Variants in NECAB1 observed in about 807,000 individuals in gnomAD.
The protein encoded by NECAB1 is N-terminal EF-hand calcium-binding protein 1.
In NECAB1, 29 loss-of-function variants were observed where a neutral mutation model predicts 57.5. The observed-to-expected ratio is 0.50, with a 90% CI of 0.38 to 0.69. The LOEUF is 0.69. Among genes scored for constraint, NECAB1 ranks in the 30% least tolerant of loss-of-function variants. The pLI is 0.00. For synonymous variants in NECAB1, 142 were observed against 147.7 expected (o/e 0.96, Z 0.28); for missense variants, 372 against 413.8 (o/e 0.90, Z 0.88).
chr8:90,825,950 G>A (rs747643003), intron 3 of NECAB1, among the ~76,000 whole-genome samples: 11 of 151,936 alleles, frequency 7.2e-5, no homozygotes, highest in South Asian at 4.1e-4. Context: ...CCAATCAGCT[G>A]ATCGTATCAA....
At chr8:90,829,875 T>A (rs79765755) in intron 3 of NECAB1, among the ~76,000 whole-genome samples, 1,655 of 152,156 alleles carry the variant, frequency 0.011, 46 homozygotes, top group East Asian at 0.089. Context: ...TTATGACAAG[T>A]CTTTCTAATA....
At chr8:90,913,168 A>G (rs1386113) in intron 5 of NECAB1, among the ~76,000 whole-genome samples, 80,427 of 152,042 alleles carry the variant, frequency 0.53, 24,843 homozygotes, top group African/African-American at 0.84. Flanking sequence ...ATGCACAGAC[A>G]GTTTTCTAAG....
chr8:90,951,235 GT>G (rs1368907372), intron 12 of NECAB1, 31 bp downstream of exon 12: 2 of 1,326,878 alleles, frequency 1.5e-6, no homozygotes, highest in Non-Finnish European at 2.1e-6. Context: ...ATGCTTCTGT[GT>G]CCTTTTGTAT....
At chr8:90,827,255 A>G (rs1812239987) in intron 3 of NECAB1, among the ~76,000 whole-genome samples, 1 of 151,912 alleles carries the variant, frequency 6.6e-6, no homozygotes, top group African/African-American at 2.4e-5. Flanking sequence ...ATCCCTGACC[A>G]CTCTAATTTA....
At chr8:90,927,125 T>C (rs910183272) in intron 7 of NECAB1, among the ~76,000 whole-genome samples, 1 of 152,056 alleles carries the variant, frequency 6.6e-6, no homozygotes, top group African/African-American at 2.4e-5. Flanking sequence ...AGAAATATTG[T>C]ATTAGAATTT....
chr8:90,912,244 A>G (rs1471961019), intron 5 of NECAB1, among the ~76,000 whole-genome samples: 7 of 152,194 alleles, frequency 4.6e-5, no homozygotes, highest in Non-Finnish European at 8.8e-5. Flanking sequence ...TCCTTTAGGC[A>G]AAGACATCCA....
At chr8:90,954,772 A>G (rs1479037293) in intron 12 of NECAB1, among the ~76,000 whole-genome samples, 2 of 150,060 alleles carry the variant, frequency 1.3e-5, no homozygotes, top group East Asian at 1.9e-4. Flanking sequence ...AATATCATAT[A>G]GGTATAAATA....
rs924518650 is a variant in NECAB1 at position 90,797,232 on chromosome 8, T to C, written c.100-4459T>C. 3.3e-5 allele frequency among the ~76,000 whole-genome samples: 5 copies of C among 152,212 alleles called. No homozygotes were observed. The East Asian group carries it at 9.6e-4, about 29-fold the overall frequency. On this transcript the variant is annotated intron_variant, in intron 1 of 12. Transcript: ENST00000417640. ...CTCTTACTATTGAAAGCAGTCCTCC[T>C]GCAGTAATTACATCAATTTAGTAAA...
Position 90,955,506 on chromosome 8 carries a change from C to T in NECAB1, c.1050C>T (p.Asn350=). ...TTTCAGCTTCGTGGTGGATCCTGAA[C>T]AACTAGATGTTCCTAGACATTTTCT... ...MLVPASWWIL[N]N The change falls in exon 13 of 13, where the codon AAC becomes AAT. Residue 350 remains asparagine (N), a synonymous_variant. Transcript: ENST00000417640. The T allele has an allele frequency of 6.4e-7, 1 of 1,555,358 alleles. No individual in the cohort carries two copies. Among genetic ancestry groups the T allele is most frequent in the African/African-American group, 1.4e-5 (1 of 73,608 alleles).
At chr8:90,806,952 A>G (rs1221225354) in intron 2 of NECAB1, among the ~76,000 whole-genome samples, 1 of 152,226 alleles carries the variant, frequency 6.6e-6, no homozygotes, top group Non-Finnish European at 1.5e-5. Context: ...GCACCAGATT[A>G]GTGAACCCAG....
chr8:90,811,514 G>A (rs1458663769), intron 2 of NECAB1, among the ~76,000 whole-genome samples: 1 of 152,074 alleles, frequency 6.6e-6, no homozygotes, highest in Non-Finnish European at 1.5e-5. Flanking sequence ...TAGCAAAAAA[G>A]AAAGATGATT....
At chr8:90,792,024 G>A (rs1811583535) in intron 1 of NECAB1, 39 bp downstream of exon 1, 2 of 1,499,026 alleles carry the variant, frequency 1.3e-6, no homozygotes, top group Non-Finnish European at 9.1e-7. Flanking sequence ...TTGCTTCCCA[G>A]CACCTTTCTT....
At chr8:90,921,665 A>G (rs1224682748) in intron 6 of NECAB1, among the ~76,000 whole-genome samples, 1 of 150,028 alleles carries the variant, frequency 6.7e-6, no homozygotes, top group Non-Finnish European at 1.5e-5. Flanking sequence ...CAAAAGCGAA[A>G]CTCCATCTCA....
chr8:90,922,485 G>GTTTTTTTTTTTTT (rs1586127873), intron 6 of NECAB1, among the ~76,000 whole-genome samples: 1 of 65,222 alleles, frequency 1.5e-5, no homozygotes, highest in Admixed American at 2.3e-4. Flanking sequence ...CAAAAACTTG[G>GTTTTTTTTTTTTT]ATTTTTTTTT....
intron 3 of NECAB1, among the ~76,000 whole-genome samples, chr8:90,843,063 C>T (rs536245208): frequency 6.6e-6 from 1 of 152,172 alleles, no homozygotes; most frequent in South Asian, 2.1e-4. Context: ...TGGCAGAAGG[C>T]AAAGGAGGAG....
At chr8:90,838,726 T>A (rs1213000386) in intron 3 of NECAB1, among the ~76,000 whole-genome samples, 1 of 152,232 alleles carries the variant, frequency 6.6e-6, no homozygotes, top group Non-Finnish European at 1.5e-5. Context: ...ATTTTTTCCC[T>A]TGTCTATGTT....
intron 3 of NECAB1, among the ~76,000 whole-genome samples, chr8:90,835,043 C>A (rs1812349313): frequency 6.8e-6 from 1 of 146,628 alleles, no homozygotes; most frequent in South Asian, 2.1e-4. Flanking sequence ...TTTAAAATTT[C>A]TATTCTGCAT....
chr8:90,820,216 A>G (rs1475003326), intron 2 of NECAB1, among the ~76,000 whole-genome samples: 4 of 152,032 alleles, frequency 2.6e-5, no homozygotes, highest in East Asian at 3.9e-4. Flanking sequence ...AATGAATCGA[A>G]GAAAAGTCAT....
At position 90,852,078 on chromosome 8, in the gene NECAB1, GT is replaced by G. The variant is rs544693530; in HGVS notation, c.234-20049del. ...ATTTTTAATTTTATTTAGAAAGTGG[GT>G]ATTGTTTTTGAAGAGATGCATCAGT... is the stretch of plus-strand genomic sequence containing the variant. On this transcript the variant is annotated intron_variant, in intron 3 of 12. Transcript: ENST00000417640. Among the ~76,000 whole-genome samples the G allele has an allele frequency of 1.8e-4, 27 of 152,248 alleles. No homozygotes were observed. In the East Asian group the frequency reaches 4.6e-3, roughly 26 times the overall value.
Sources: allele counts gnomAD v4.1 joint callset (sites outside exome capture counted in the v4.1 genomes callset), GRCh38; gene constraint gnomAD v4.1.1; transcripts MANE v1.5; gene names NCBI Gene and HGNC (gene_info 2026-07-23, HGNC 2026-07-21).